TMEM87A: variants seen among roughly 807,000 people sequenced by gnomAD.
TMEM87A encodes Golgi-pH regulating cation channel.
TMEM87A carries 50 observed loss-of-function variants against 90.0 expected under a neutral mutation model. The ratio of observed to expected loss-of-function variants is 0.56; its 90% CI spans 0.44 to 0.70. The LOEUF (loss-of-function observed/expected upper bound fraction) is 0.70. TMEM87A is among the 30% of genes least tolerant of loss of function. The probability of loss-of-function intolerance (pLI) is 0.00; values close to 1 mark genes in which losing one functional copy is unlikely to be tolerated. For synonymous variants in TMEM87A, 226 were observed against 226.7 expected (o/e 1.00, Z 0.03); for missense variants, 577 against 660.5 (o/e 0.87, Z 1.39).
upstream of TMEM87A, chr15:42,273,583 C>CTG (rs1426237036): frequency 9.7e-7 from 1 of 1,035,388 alleles, no homozygotes; most frequent in Non-Finnish European, 1.4e-6. Context: ...TTTGGACCTA[C>CTG]TGCGCAGGCG....
At chr15:42,259,132 G>A in intron 6 of TMEM87A, 1 of 627,600 alleles carries the variant, frequency 1.6e-6, no homozygotes, top group Non-Finnish European at 2.9e-6. Context: ...AAAGGGGGTA[G>A]GGGAAGCAAA....
chr15:42,231,257 G>A lies in TMEM87A; in HGVS notation c.1066C>T (p.Gln356Ter), dbSNP rs778139874. The A allele has an allele frequency of 6.4e-7, 1 of 1,570,898 alleles. No homozygotes were observed. The highest frequency in any genetic ancestry group is 1.2e-5 in the South Asian group (1 of 83,764). ...AAGGCCAAGGAAGCAAGATCAGTCTGGGCCTGCAGACAAAGAAAAAGAAGT... is the reference window on the plus strand; with the variant it reads ...AAGGCCAAGGAAGCAAGATCAGTCTAGGCCTGCAGACAAAGAAAAAGAAGT... ...MEGVLRVTGA[Q>*]TDLASLAFIP... The change falls in exon 12 of 20, where the codon CAG (glutamine) becomes TAG (stop). Residue 356 changes from glutamine (Q) to a stop codon, truncating the protein, a stop_gained. Transcript: ENST00000389834. LOFTEE classifies it high-confidence loss of function.
intron 10 of TMEM87A, among the ~76,000 whole-genome samples, 170 bp from the exon 11 acceptor site, chr15:42,233,476 A>T (rs976937709): frequency 1.3e-5 from 2 of 152,174 alleles, no homozygotes; most frequent in African/African-American, 4.8e-5. Context: ...TTAAAACAAG[A>T]TAGGGAACAC....
Position 42,264,653 on chromosome 15 carries a change from A to T in TMEM87A, c.292-450T>A, listed in dbSNP as rs115724947. On this transcript the variant is annotated intron_variant, in intron 3 of 19. Coordinates refer to ENST00000389834, the MANE Select transcript of TMEM87A (RefSeq NM_015497.5). ...GAAACAGAATGGAAAAGGTCTGAAAAATTCAACTCAGAACTATATATATGT... is the reference window on the plus strand; with the variant it reads ...GAAACAGAATGGAAAAGGTCTGAAATATTCAACTCAGAACTATATATATGT... Among the ~76,000 whole-genome samples the T allele has an allele frequency of 8.8e-3, 1,317 of 149,484 alleles. 19 individuals are homozygous for T. Among genetic ancestry groups the T allele is most frequent in the African/African-American group, 0.031 (1,251 of 40,946 alleles).
intron 7 of TMEM87A, among the ~76,000 whole-genome samples, chr15:42,242,050 G>C (rs557475275): frequency 7.0e-6 from 1 of 142,876 alleles, no homozygotes; most frequent in Admixed American, 7.2e-5. Context: ...CTGGGTGACA[G>C]AGTGAGACTC....
chr15:42,234,959 TC>T, intron 10 of TMEM87A, among the ~76,000 whole-genome samples: 1 of 152,218 alleles, frequency 6.6e-6, no homozygotes. Flanking sequence ...TATTAAATAT[TC>T]AAGGGCCCAG....
rs781141360 is a variant in TMEM87A at position 42,273,422 on chromosome 15, C to T, written c.-24G>A. On this transcript the variant is annotated 5_prime_UTR_variant, in exon 1 of 20. Transcript: ENST00000389834. ...ATCTTCACAGCCGTGGAGTGCCTACCGAAAGCATTTCACCCTCTTCCGGTT... is the reference window on the plus strand; with the variant it reads ...ATCTTCACAGCCGTGGAGTGCCTACTGAAAGCATTTCACCCTCTTCCGGTT... 3.1e-6 allele frequency: 5 copies of T among 1,613,184 alleles called. No individual in the cohort carries two copies. The highest frequency in any genetic ancestry group is 3.4e-6 in the Non-Finnish European group (4 of 1,179,784).
chr15:42,211,140 T>C lies in TMEM87A; in HGVS notation c.*568A>G, dbSNP rs925271965. ...TGAATCATACTGTAACAGTTTCTCTTTTTTTTTTTTTCTTTTGATCATTGA... is the reference window on the plus strand; with the variant it reads ...TGAATCATACTGTAACAGTTTCTCTCTTTTTTTTTTTCTTTTGATCATTGA... On this transcript the variant is annotated 3_prime_UTR_variant, in exon 20 of 20. Coordinates refer to ENST00000389834, the MANE Select transcript of TMEM87A (RefSeq NM_015497.5). 2 of 151,056 alleles carry C rather than the reference T, an allele frequency of 1.3e-5. No homozygotes were observed. The highest frequency in any genetic ancestry group is 4.9e-5 in the African/African-American group (2 of 41,082). 9.4% of individuals were successfully genotyped at this position (151,056 alleles called of 1,614,324 possible).
At chr15:42,218,004 G>A in intron 18 of TMEM87A, 171 bp from the exon 19 acceptor site, 1 of 668,694 alleles carries the variant, frequency 1.5e-6, no homozygotes, top group South Asian at 2.3e-5. Context: ...AACAGTTACA[G>A]AAATTGTATA....
Position 42,237,601 on chromosome 15 carries a change from C to T in TMEM87A, c.699G>A (p.Met233Ile), listed in dbSNP as rs754037472. The T allele has an allele frequency of 2.5e-6, 4 of 1,586,874 alleles. No homozygotes were observed. In the South Asian group the frequency reaches 3.5e-5, roughly 14 times the overall value. The change falls in exon 9 of 20, where the codon ATG (methionine) becomes ATA (isoleucine). Residue 233 changes from methionine to isoleucine, a missense_variant. Coordinates refer to ENST00000389834, the MANE Select transcript of TMEM87A (RefSeq NM_015497.5). ...CACCAAACAGGACATATACAATACA[C>T]ATCACCATGAAAAACTGTTATCAAA... ...DYPLMIFFMV[M>I]CIVYVLFGVL...
At chr15:42,261,637 C>T (rs954485542) in intron 4 of TMEM87A, among the ~76,000 whole-genome samples, 4 of 143,798 alleles carry the variant, frequency 2.8e-5, no homozygotes, top group African/African-American at 5.1e-5. Flanking sequence ...ACCTAATATT[C>T]TTTTTTTTTT....
intron 15 of TMEM87A, chr15:42,226,497 G>C: frequency 6.5e-6 from 2 of 308,600 alleles, no homozygotes; most frequent in Non-Finnish European, 1.2e-5. Flanking sequence ...AACCAAACTT[G>C]CAATTTATTT....
At chr15:42,269,271 CA>C (rs1407096203) in intron 2 of TMEM87A, among the ~76,000 whole-genome samples, 1 of 152,086 alleles carries the variant, frequency 6.6e-6, no homozygotes, top group African/African-American at 2.4e-5. Context: ...TAATAATAAA[CA>C]TGACAAAAAT....
At chr15:42,219,819 T>A (rs935147579) in intron 16 of TMEM87A, among the ~76,000 whole-genome samples, 177 bp from the exon 17 acceptor site, 3 of 152,172 alleles carry the variant, frequency 2.0e-5, no homozygotes, top group African/African-American at 7.2e-5. Flanking sequence ...TCCATCTTTA[T>A]ATGTAAGCTG....
rs375255055 is a variant in TMEM87A at position 42,243,512 on chromosome 15, A to ATTTT, written c.622+534_622+537dup. ...CATTAAAAACTACCAATGTTAATTA[A>ATTTT]TTTTTTTTTTTTTTTTTTTTTGAGA... On this transcript the variant is annotated intron_variant, in intron 7 of 19. Coordinates refer to ENST00000389834, the MANE Select transcript of TMEM87A (RefSeq NM_015497.5). Among the ~76,000 whole-genome samples, 201 of 129,552 alleles carry ATTTT rather than the reference A, an allele frequency of 1.6e-3. 2 individuals are homozygous for ATTTT. The highest frequency in any genetic ancestry group is 5.8e-3 in the African/African-American group (190 of 32,944). 85.0% of individuals were successfully genotyped at this position (129,552 alleles called of 152,430 possible).
intron 6 of TMEM87A, among the ~76,000 whole-genome samples, chr15:42,251,879 C>T (rs1245639202): frequency 6.6e-6 from 1 of 152,242 alleles, no homozygotes; most frequent in Non-Finnish European, 1.5e-5. Flanking sequence ...GCAGGCAGGC[C>T]TCACTGAGCT....
intron 8 of TMEM87A, among the ~76,000 whole-genome samples, chr15:42,239,287 C>T (rs1044921707): frequency 2.6e-5 from 4 of 152,172 alleles, no homozygotes; most frequent in Admixed American, 6.5e-5. Flanking sequence ...GTGATCTGCC[C>T]GCCTCAGCTT....
chr15:42,255,172 C>T (rs1009663735), intron 6 of TMEM87A, among the ~76,000 whole-genome samples: 19 of 151,838 alleles, frequency 1.3e-4, no homozygotes, highest in African/African-American at 2.7e-4. Context: ...TTGCTCTTGT[C>T]GCCCAGGCTG....
intron 6 of TMEM87A, among the ~76,000 whole-genome samples, chr15:42,260,414 A>G (rs1365392176): frequency 6.6e-6 from 1 of 152,214 alleles, no homozygotes; most frequent in African/African-American, 2.4e-5. Context: ...TGTATATTAT[A>G]CCTTCATAAA....
Sources: allele counts gnomAD v4.1 joint callset (sites outside exome capture counted in the v4.1 genomes callset), GRCh38; gene constraint gnomAD v4.1.1; transcripts MANE v1.5; gene names NCBI Gene and HGNC (gene_info 2026-07-23, HGNC 2026-07-21).